Variants in DCDC2 observed in about 807,000 individuals in gnomAD.
DCDC2 encodes doublecortin domain-containing protein 2.
Under a neutral mutation model 50.2 loss-of-function variants are expected in DCDC2, and 40 were observed. The observed-to-expected ratio is 0.80, with a 90% confidence interval of 0.62 to 1.04. The LOEUF is 1.04. Ranked by LOEUF, DCDC2 falls within the 50% of genes least tolerant of loss-of-function variation. DCDC2 has a pLI of 0.00. For missense variants in DCDC2, 570 were observed against 581.9 expected (o/e 0.98, Z 0.21); for synonymous variants, 234 against 210.6 (o/e 1.11, Z -0.96).
intron 7 of DCDC2, among the ~76,000 whole-genome samples, chr6:24,218,882 C>T (rs886200868): frequency 6.6e-6 from 1 of 152,180 alleles, no homozygotes; most frequent in Non-Finnish European, 1.5e-5. Context: ...TGGGGTTCAT[C>T]AAATAATTTC....
At chr6:24,376,942 A>G in the DCDC2 span, among the ~76,000 whole-genome samples, 1 of 152,120 alleles carries the variant, frequency 6.6e-6, no homozygotes, top group Admixed American at 6.6e-5. Context: ...ATTCTGAGGG[A>G]TCTGAATAAT....
intron 7 of DCDC2, among the ~76,000 whole-genome samples, chr6:24,267,140 T>TG (rs1039332741): frequency 6.6e-5 from 10 of 152,094 alleles, no homozygotes; most frequent in African/African-American, 2.4e-4. Context: ...AGTAGAATGG[T>TG]GGTGACCAGA....
chr6:24,367,454 C>T, the DCDC2 span, among the ~76,000 whole-genome samples: 37 of 152,322 alleles, frequency 2.4e-4, no homozygotes, highest in South Asian at 1.7e-3. Context: ...AGAGCAATTA[C>T]GGCAAGAAGA....
chr6:24,352,610 C>T (rs1348797229), intron 2 of DCDC2, among the ~76,000 whole-genome samples: 1 of 152,110 alleles, frequency 6.6e-6, no homozygotes, highest in Non-Finnish European at 1.5e-5. Context: ...TCTTCAAATA[C>T]TGTACAATTA....
chr6:24,221,107 C>G (rs1762109732), intron 7 of DCDC2, among the ~76,000 whole-genome samples: 1 of 152,096 alleles, frequency 6.6e-6, no homozygotes. Context: ...CTGGAGAAAA[C>G]AAAAGGGGTA....
At chr6:24,247,335 T>TTATATA in intron 7 of DCDC2, among the ~76,000 whole-genome samples, 1 of 151,034 alleles carries the variant, frequency 6.6e-6, no homozygotes. Flanking sequence ...TTAACTATTT[T>TTATATA]TATATATATA....
intron 2 of DCDC2, among the ~76,000 whole-genome samples, chr6:24,347,054 G>A (rs1231331035): frequency 6.6e-6 from 1 of 152,124 alleles, no homozygotes; most frequent in Non-Finnish European, 1.5e-5. Context: ...CTATTATTCA[G>A]GTTACAATGA....
At chr6:24,330,652 T>A (rs1759949244) in intron 2 of DCDC2, among the ~76,000 whole-genome samples, 1 of 152,170 alleles carries the variant, frequency 6.6e-6, no homozygotes, top group Non-Finnish European at 1.5e-5. Flanking sequence ...ATTAGTATGT[T>A]CACACAGGAT....
chr6:24,208,007 A>C (rs1043833596), intron 7 of DCDC2, among the ~76,000 whole-genome samples: 1 of 152,062 alleles, frequency 6.6e-6, no homozygotes, highest in African/African-American at 2.4e-5. Context: ...CTTCAACACC[A>C]TGTGATGAGC....
At chr6:24,281,497 A>G (rs1248018468) in intron 6 of DCDC2, among the ~76,000 whole-genome samples, 1 of 150,680 alleles carries the variant, frequency 6.6e-6, no homozygotes, top group Non-Finnish European at 1.5e-5. Flanking sequence ...GAAAAAAAAA[A>G]AAAAAAAAAA....
At chr6:24,295,364 C>T (rs192766687) in intron 4 of DCDC2, among the ~76,000 whole-genome samples, 5 of 152,236 alleles carry the variant, frequency 3.3e-5, no homozygotes, top group East Asian at 3.9e-4. Context: ...TAACATCACA[C>T]GGAATGGGCA....
chr6:24,253,162 G>A (rs1762825985), intron 7 of DCDC2, among the ~76,000 whole-genome samples: 1 of 151,802 alleles, frequency 6.6e-6, no homozygotes, highest in Non-Finnish European at 1.5e-5. Context: ...AAAGAAAGCT[G>A]AAGAAAGGAA....
At chr6:24,303,651 C>T (rs145259297) in intron 2 of DCDC2, among the ~76,000 whole-genome samples, 1 of 152,196 alleles carries the variant, frequency 6.6e-6, no homozygotes, top group Non-Finnish European at 1.5e-5. Context: ...ACAAACAACA[C>T]TAATTTATAA....
At chr6:24,343,238 G>C (rs1271870591) in intron 2 of DCDC2, among the ~76,000 whole-genome samples, 2 of 151,796 alleles carry the variant, frequency 1.3e-5, no homozygotes, top group East Asian at 3.9e-4. Context: ...TTTTAGTAGA[G>C]ACGGGTTTCA....
At chr6:24,200,000 T>C (rs1024008008) in intron 8 of DCDC2, among the ~76,000 whole-genome samples, 3 of 152,150 alleles carry the variant, frequency 2.0e-5, no homozygotes, top group African/African-American at 4.8e-5. Flanking sequence ...CCAGAAAATA[T>C]GGGACTATGT....
At chr6:24,288,999 GT>G in intron 5 of DCDC2, 93 bp from the exon 6 acceptor site, 2 of 870,000 alleles carry the variant, frequency 2.3e-6, no homozygotes. Context: ...GAAGTCAACT[GT>G]TTACTGCTGT....
rs184896982 is a variant in DCDC2 at position 24,224,333 on chromosome 6, C to T, written c.923-19231G>A. On this transcript the variant is annotated intron_variant, in intron 7 of 9. Transcript: ENST00000378454. ...AGATACAAAGAACCAGAGCCCTGCG[C>T]TTCAAAAGGAAATGGCTATGTATGC... 9.9e-4 allele frequency among the ~76,000 whole-genome samples: 151 copies of T among 152,320 alleles called. 1 individual carries two copies. Among genetic ancestry groups the T allele is most frequent in the Non-Finnish European group, 1.5e-3 (105 of 68,028 alleles).
intron 8 of DCDC2, among the ~76,000 whole-genome samples, chr6:24,190,187 G>A (rs1761285909): frequency 6.6e-6 from 1 of 152,018 alleles, no homozygotes; most frequent in South Asian, 2.1e-4. Flanking sequence ...GCTGTGGCCA[G>A]TCACCTGGAA....
intron 2 of DCDC2, among the ~76,000 whole-genome samples, chr6:24,322,059 G>A (rs11966126): frequency 0.16 from 23,802 of 152,054 alleles, 1,907 homozygotes; most frequent in African/African-American, 0.19. Context: ...CTGATTTAAC[G>A]CTTGTGTAAT....
Sources: allele counts gnomAD v4.1 joint callset (sites outside exome capture counted in the v4.1 genomes callset), GRCh38; gene constraint gnomAD v4.1.1; transcripts MANE v1.5; gene names NCBI Gene and HGNC (gene_info 2026-07-23, HGNC 2026-07-21).